The following LRRC41 variants were observed in gnomAD, a reference collection of about 807,000 sequenced individuals.
The protein encoded by LRRC41 is leucine rich repeat containing 41.
Under a neutral mutation model 72.1 loss-of-function variants are expected in LRRC41, and 17 were observed. The ratio of observed to expected loss-of-function variants is 0.24; its 90% CI spans 0.16 to 0.35. The LOEUF is 0.35. LRRC41 is among the 10% of genes least tolerant of loss of function. LRRC41 has a pLI of 1.00. For synonymous variants in LRRC41, 427 were observed against 431.0 expected, an observed-to-expected ratio of 0.99 and a Z score of 0.11; for missense variants, 759 against 1,065.0, an observed-to-expected ratio of 0.71 and a Z score of 4.00.
chr1:46,302,512 G>C lies in LRRC41; in HGVS notation c.199+612C>G, dbSNP rs547281306. 1.6e-4 allele frequency: 154 copies of C among 985,304 alleles called. 1 individual carries two copies. In the African/African-American group the frequency reaches 2.4e-3, roughly 15 times the overall value. 61.0% of individuals were successfully genotyped at this position (985,304 alleles called of 1,614,324 possible). On this transcript the variant is annotated intron_variant, in intron 1 of 9. Coordinates refer to ENST00000617190, the MANE Select transcript of LRRC41 (RefSeq NM_006369.5). The surrounding 1 kb of genome is among the most constrained non-coding windows in gnomAD (Gnocchi z 4.7). ...CCCGTCAGCCCTGGGCCGTCAGACA[G>C]GCCGCGGCGCCCCGACCCTTTCGTT... is the stretch of plus-strand genomic sequence containing the variant.
In LRRC41 at chr1:46,286,882, G is replaced by A. The variant is rs999802876; in HGVS notation, c.358-383C>T. On this transcript the variant is annotated intron_variant, in intron 3 of 9. Transcript: ENST00000617190. The surrounding 1 kb of genome is among the most constrained non-coding windows in gnomAD (Gnocchi z 5.5). Reference sequence around the variant, plus strand: ...AGCCTAGGCTGGAGTGCAGTGGTGTGATCTCAGCTCACTGCAACCTCTGCC... The same window carrying A: ...AGCCTAGGCTGGAGTGCAGTGGTGTAATCTCAGCTCACTGCAACCTCTGCC... Among the ~76,000 whole-genome samples the A allele has an allele frequency of 6.6e-6, 1 of 152,016 alleles. No homozygotes were observed. The highest frequency in any genetic ancestry group is 2.4e-5 in the African/African-American group (1 of 41,380).
rs1483092244 is a variant in LRRC41, at chr1:46,302,071, C to T, written c.199+1053G>A. The T allele has an allele frequency of 2.0e-6, 2 of 985,290 alleles. No individual in the cohort carries two copies. The highest frequency in any genetic ancestry group is 3.5e-5 in the African/African-American group (2 of 57,250). 61.0% of individuals were successfully genotyped at this position (985,290 alleles called of 1,614,324 possible). A position where few individuals can be genotyped will look rare whatever the true frequency, so the allele number is the denominator to read the frequency against. ...AGCGGTCCCCAACCCACAGCCCCGCCTCCCAGCCCAACTGGCCGGTTCGCC... is the reference window on the plus strand; with the variant it reads ...AGCGGTCCCCAACCCACAGCCCCGCTTCCCAGCCCAACTGGCCGGTTCGCC... On this transcript the variant is annotated intron_variant, in intron 1 of 9. Transcript: ENST00000617190. The surrounding 1 kb of genome is among the most constrained non-coding windows in gnomAD (Gnocchi z 4.7).
Position 46,277,953 on chromosome 1 carries a change from A to G in LRRC41, c.*912T>C. On this transcript the variant is annotated 3_prime_UTR_variant, in exon 10 of 10. Transcript: ENST00000617190. ...TTGAAGGAGCTGTTTATCCTGGATG[A>G]AGCTAGCCTCAGTGACACACATGAC... is the stretch of plus-strand genomic sequence containing the variant. 6.2e-7 allele frequency: 1 copy of G among 1,614,156 alleles called. No individual in the cohort carries two copies. Among genetic ancestry groups the G allele is most frequent in the South Asian group, 1.1e-5 (1 of 91,086 alleles).
chr1:46,286,062 G>C lies in LRRC41; in HGVS notation c.795C>G (p.Leu265=). 1 of 1,607,632 alleles carries C rather than the reference G, an allele frequency of 6.2e-7. No individual in the cohort carries two copies. Residue 265 remains leucine, a synonymous_variant, in exon 4 of 10, where the codon CTC becomes CTG. Transcript: ENST00000617190. The surrounding 1 kb of genome is among the most constrained non-coding windows in gnomAD (Gnocchi z 5.5). ...QPGPGGPPCR[L]CGEASRGRAP... ...CCCGGCCTCGGGAGGCCTCTCCACAGAGGCGGCAGGGTGGGCCACCAGGCC... is the reference window on the plus strand; with the variant it reads ...CCCGGCCTCGGGAGGCCTCTCCACACAGGCGGCAGGGTGGGCCACCAGGCC...
chr1:46,285,505 G>A lies in LRRC41; in HGVS notation c.1352C>T (p.Pro451Leu), dbSNP rs1660865555. The change falls in exon 4 of 10, where the codon CCA becomes CTA. Residue 451 changes from proline (P) to leucine (L), a missense_variant. Pro to Leu is a moderately conservative substitution (Grantham distance 98). Transcript: ENST00000617190. The surrounding 1 kb of genome is among the most constrained non-coding windows in gnomAD (Gnocchi z 5.3). ...GAATCTTTGTGAAGCTTCCAGTGCTGGAAGCCCCAGGCAGCTGGGATCTGA... is the reference window on the plus strand; with the variant it reads ...GAATCTTTGTGAAGCTTCCAGTGCTAGAAGCCCCAGGCAGCTGGGATCTGA... ...DGSDPSCLGL[P>L]ALEASQRFRS... 6.2e-7 allele frequency: 1 copy of A among 1,614,150 alleles called. No homozygotes were observed. The highest frequency in any genetic ancestry group is 8.5e-7 in the Non-Finnish European group (1 of 1,180,036).
At chr1:46,280,064 C>T in intron 7 of LRRC41, 128 bp downstream of exon 7, 1 of 692,902 alleles carries the variant, frequency 1.4e-6, no homozygotes, top group Non-Finnish European at 2.5e-6. Context: ...GAAAATCATG[C>T]AGGTTCTATA....
In LRRC41 at chr1:46,277,512, G is replaced by T. The variant is rs904923468; in HGVS notation, c.*1353C>A. 2 of 461,164 alleles carry T rather than the reference G, an allele frequency of 4.3e-6. No individual in the cohort carries two copies. The highest frequency in any genetic ancestry group is 3.9e-5 in the African/African-American group (2 of 50,732). 28.6% of individuals were successfully genotyped at this position (461,164 alleles called of 1,614,324 possible). A position where few individuals can be genotyped will look rare whatever the true frequency, so the allele number is the denominator to read the frequency against. On this transcript the variant is annotated 3_prime_UTR_variant, in exon 10 of 10. Coordinates refer to ENST00000617190, the MANE Select transcript of LRRC41 (RefSeq NM_006369.5). ...ATTGAATGAGTTAGAGTTGGGCTTG[G>T]TGCAGAAATCTGAAGCTGCAGCAGA...
In LRRC41 at chr1:46,279,150, C is replaced by G; in HGVS notation, c.2219+32G>C. The G allele has an allele frequency of 6.2e-7, 1 of 1,612,880 alleles. No homozygotes were observed. The highest frequency in any genetic ancestry group is 8.5e-7 in the Non-Finnish European group (1 of 1,179,014). ...ATTCCTGGTCTATATCTCTGTAGCC[C>G]CATCCCTTGTCTTGCCCCTCCCCTC... On this transcript the variant is annotated intron_variant, in intron 9 of 9. Coordinates refer to ENST00000617190, the MANE Select transcript of LRRC41 (RefSeq NM_006369.5). The surrounding 1 kb of genome is among the most constrained non-coding windows in gnomAD (Gnocchi z 4.5).
At chr1:46,290,533 A>T (rs1166389872) in intron 3 of LRRC41, among the ~76,000 whole-genome samples, 3 of 152,222 alleles carry the variant, frequency 2.0e-5, no homozygotes, top group Non-Finnish European at 2.9e-5. Flanking sequence ...CATGTATTCA[A>T]ATATTTTTAG....
chr1:46,287,049 C>T (rs543552253), intron 3 of LRRC41, among the ~76,000 whole-genome samples: 16 of 151,890 alleles, frequency 1.1e-4, no homozygotes, highest in South Asian at 4.2e-4. Context: ...GTGTTCCGTC[C>T]GCCTTGGCCT....
At position 46,281,108 on chromosome 1, in the gene LRRC41, C is replaced by A. The variant is rs1422276664; in HGVS notation, c.1756+17G>T. 2.5e-6 allele frequency: 4 copies of A among 1,612,576 alleles called. No individual in the cohort carries two copies. The South Asian group carries it at 4.4e-5, about 18-fold the overall frequency. On this transcript the variant is annotated intron_variant, in intron 5 of 9. Transcript: ENST00000617190. ...ACACGTGCGTGCACACACACAAACA[C>A]ACACACAGTGCTTCACCTGGTATCT...
chr1:46,297,452 C>T, intron 3 of LRRC41, 111 bp downstream of exon 3: 1 of 830,612 alleles, frequency 1.2e-6, no homozygotes, highest in Non-Finnish European at 2.0e-6. Context: ...CCTCCCAAAT[C>T]CATTCCATCA....
Position 46,285,907 on chromosome 1 carries a change from G to T in LRRC41, c.950C>A (p.Ala317Glu). The change falls in exon 4 of 10, where the codon GCA becomes GAA. Residue 317 changes from alanine to glutamate, a missense_variant. By Grantham distance (107) the Ala-to-Glu change is moderately radical (BLOSUM62 -1). This residue lies in a region of LRRC41 where 427 missense variants were observed against 520.9 expected (regional missense o/e 0.82). Transcript: ENST00000617190. This position sits in a 1 kb window ranked among gnomAD's most constrained non-coding sequence, Gnocchi z 5.3. ...CCGGCGTGTTACCCGAGTGGCAGGT[G>T]CAGCTCTGGGCATCTGCTTGGCTTC... ...KSEAKQMPRA[A>E]PATRVTRRST... The T allele has an allele frequency of 6.5e-7, 1 of 1,541,612 alleles. No homozygotes were observed. The highest frequency in any genetic ancestry group is 8.7e-7 in the Non-Finnish European group (1 of 1,146,468).
intron 3 of LRRC41, among the ~76,000 whole-genome samples, chr1:46,293,586 T>C (rs929390540): frequency 1.3e-5 from 2 of 152,170 alleles, no homozygotes; most frequent in South Asian, 4.1e-4. Context: ...TTTTATTATT[T>C]TTGGAGACAG....
Position 46,279,512 on chromosome 1 carries a change from C to T in LRRC41, c.2123G>A (p.Arg708Gln), listed in dbSNP as rs1660725823. 1.9e-6 allele frequency: 3 copies of T among 1,614,210 alleles called. No individual in the cohort carries two copies. Among genetic ancestry groups the T allele is most frequent in the Non-Finnish European group, 2.5e-6 (3 of 1,180,048 alleles). ...CCCACCCAGGCGGTTCCCTGGCAGCCGGAGGCCCTTCAGTGTGGAGTTGCC... is the reference window on the plus strand; with the variant it reads ...CCCACCCAGGCGGTTCCCTGGCAGCTGGAGGCCCTTCAGTGTGGAGTTGCC... ...MKGNSTLKGL[R>Q]LPGNRLGNAG... Residue 708 changes from arginine (R) to glutamine (Q), a missense_variant, in exon 8 of 10, where the codon CGG becomes CAG. By Grantham distance (43) the Arg-to-Gln change is conservative. Coordinates refer to ENST00000617190, the MANE Select transcript of LRRC41 (RefSeq NM_006369.5). This position sits in a 1 kb window ranked among gnomAD's most constrained non-coding sequence, Gnocchi z 4.5.
rs370433039 is a variant in LRRC41 at position 46,281,346 on chromosome 1, C to T, written c.1535G>A (p.Arg512Gln). 1.5e-5 allele frequency: 25 copies of T among 1,614,010 alleles called. No homozygotes were observed. The highest frequency in any genetic ancestry group is 1.9e-5 in the Non-Finnish European group (22 of 1,180,002). The stretch of plus-strand genomic sequence containing the variant: ...ACATCCAGCCTGGCCTGACAGGGCC[C>T]GCAGGCTGTCTAGCAGGCGGAAGAT... Reference protein sequence around the residue: ...SNIFRLLDSLRALSGQAGCRL... With the variant: ...SNIFRLLDSLQALSGQAGCRL... Residue 512 changes from arginine to glutamine, a missense_variant, in exon 5 of 10, where the codon CGG (arginine) becomes CAG (glutamine). Arg to Gln is a conservative substitution (Grantham distance 43). Around this residue, in one of 4 missense-constraint regions of LRRC41, gnomAD observed 427 missense variants for 520.9 expected, o/e 0.82. Coordinates refer to ENST00000617190, the MANE Select transcript of LRRC41 (RefSeq NM_006369.5).
At chr1:46,292,921 C>T (rs1355624665) in intron 3 of LRRC41, among the ~76,000 whole-genome samples, 1 of 152,140 alleles carries the variant, frequency 6.6e-6, no homozygotes, top group East Asian at 1.9e-4. Flanking sequence ...CACGGTGGCT[C>T]ACGCCTATAA....
Position 46,302,918 on chromosome 1 carries a change from T to G in LRRC41, c.199+206A>C, listed in dbSNP as rs1424219129. ...CCCGCGCCCCCGAGCCAGGCCGCGG[T>G]GCGGGTCAGCCTGCCCATTTAGGTC... On this transcript the variant is annotated intron_variant, in intron 1 of 9. Coordinates refer to ENST00000617190, the MANE Select transcript of LRRC41 (RefSeq NM_006369.5). This position sits in a 1 kb window ranked among gnomAD's most constrained non-coding sequence, Gnocchi z 4.7. 1.0e-6 allele frequency: 1 copy of G among 979,640 alleles called. No individual in the cohort carries two copies. Among genetic ancestry groups the G allele is most frequent in the Admixed American group, 6.3e-5 (1 of 15,878 alleles). 60.7% of individuals were successfully genotyped at this position (979,640 alleles called of 1,614,324 possible).
At position 46,280,428 on chromosome 1, in the gene LRRC41, T is replaced by C. The variant is rs766314848; in HGVS notation, c.1889A>G (p.Gln630Arg). 21 of 1,614,076 alleles carry C rather than the reference T, an allele frequency of 1.3e-5. No individual in the cohort carries two copies. Among genetic ancestry groups the C allele is most frequent in the African/African-American group, 2.7e-5 (2 of 74,926 alleles). Residue 630 changes from glutamine (Q) to arginine (R), a missense_variant, in exon 6 of 10, where the codon CAG becomes CGG. Physicochemically the swap from Gln to Arg is conservative, Grantham distance 43 (BLOSUM62 1). Transcript: ENST00000617190. ...SLDSATFASP[Q>R]DFGLVLQTLK... ...TGTTTGCAAAACAAGCCCAAAATCC[T>C]GGGGAGAGGCAAAGGTGGCACTATC... is the stretch of plus-strand genomic sequence containing the variant.
Sources: allele counts gnomAD v4.1 joint callset (sites outside exome capture counted in the v4.1 genomes callset), GRCh38; gene constraint gnomAD v4.1.1; regional missense constraint gnomAD v4.1.1; non-coding constraint Gnocchi (gnomAD v3.1); transcripts MANE v1.5; gene names NCBI Gene and HGNC (gene_info 2026-07-23, HGNC 2026-07-21).